PRICKLE1: variants seen among roughly 807,000 people sequenced by gnomAD.
The protein encoded by PRICKLE1 is prickle-like protein 1.
In PRICKLE1, 14 loss-of-function variants were observed where a neutral mutation model predicts 70.2. That is an observed-to-expected ratio of 0.20 (90% CI 0.13 to 0.31). PRICKLE1 has a LOEUF of 0.31. Ranked by LOEUF, PRICKLE1 falls within the 10% of genes least tolerant of loss-of-function variation. The pLI is 1.00. For synonymous variants in PRICKLE1, 357 were observed against 379.9 expected (o/e 0.94, Z 0.70); for missense variants, 821 against 1,026.2 (o/e 0.80, Z 2.73).
rs370722762 is a variant in PRICKLE1 at position 42,553,312 on chromosome 12, C to T, written c.-49+36153G>A. On this transcript the variant is annotated intron_variant, in intron 1 of 7. Transcript: ENST00000345127. ...ACAAAAAATTAGCCGGGCGTGGTAG[C>T]GGGCACCTGTAGTCCCAGCTACTTG... Among the ~76,000 whole-genome samples, 157 of 152,010 alleles carry T rather than the reference C, an allele frequency of 1.0e-3. 2 individuals carry two copies. The South Asian group carries it at 0.019, about 18-fold the overall frequency.
Position 42,562,664 on chromosome 12 carries a change from G to C in PRICKLE1, c.-49+26801C>G, listed in dbSNP as rs1317128326. ...ACCAAAGCAAGGCAAAAGACCTGCA[G>C]ACAGATGCACAAAGAAAATTTAAAC... On this transcript the variant is annotated intron_variant, in intron 1 of 7. Transcript: ENST00000345127. Among the ~76,000 whole-genome samples, 5 of 152,196 alleles carry C rather than the reference G, an allele frequency of 3.3e-5. No homozygotes were observed. The East Asian group carries it at 7.7e-4, about 23-fold the overall frequency.
intron 1 of PRICKLE1, among the ~76,000 whole-genome samples, chr12:42,523,909 C>T (rs933782609): frequency 3.3e-5 from 5 of 152,178 alleles, no homozygotes; most frequent in Non-Finnish European, 7.3e-5. Flanking sequence ...ATCTTCAAAG[C>T]ACCAAACACA....
chr12:42,531,876 GC>G (rs1418405703), intron 1 of PRICKLE1, among the ~76,000 whole-genome samples: 2 of 152,000 alleles, frequency 1.3e-5, no homozygotes, highest in Non-Finnish European at 2.9e-5. Context: ...AAAAATTTTT[GC>G]CCAGGTATGG....
At chr12:42,512,666 T>C (rs548352437) in intron 1 of PRICKLE1, among the ~76,000 whole-genome samples, 1 of 152,052 alleles carries the variant, frequency 6.6e-6, no homozygotes, top group African/African-American at 2.4e-5. Flanking sequence ...AATCATTTTG[T>C]TTTTTGTGGG....
intron 1 of PRICKLE1, among the ~76,000 whole-genome samples, chr12:42,512,122 CA>C (rs34323382): frequency 0.55 from 82,093 of 150,182 alleles, 23,117 homozygotes; most frequent in East Asian, 0.72. Flanking sequence ...GGTCCCATTA[CA>C]AAAAAAAAAG....
At chr12:42,511,620 T>C (rs1566107899) in intron 1 of PRICKLE1, among the ~76,000 whole-genome samples, 1 of 152,280 alleles carries the variant, frequency 6.6e-6, no homozygotes, top group Non-Finnish European at 1.5e-5. Context: ...GAGGGGGGTA[T>C]GGAAATCCAA....
chr12:42,556,506 T>C (rs1940415207), intron 1 of PRICKLE1, among the ~76,000 whole-genome samples: 1 of 152,240 alleles, frequency 6.6e-6, no homozygotes, highest in Non-Finnish European at 1.5e-5. Context: ...CTGGAGATCA[T>C]GCAGCTACTA....
chr12:42,470,501 A>C (rs1938278171), intron 2 of PRICKLE1, 142 bp from the exon 3 acceptor site: 1 of 688,326 alleles, frequency 1.5e-6, no homozygotes, highest in East Asian at 2.7e-5. Context: ...AACTCAGCAG[A>C]ACTGCAAACC....
chr12:42,480,670 G>A (rs2140150806), intron 1 of PRICKLE1, among the ~76,000 whole-genome samples: 1 of 152,292 alleles, frequency 6.6e-6, no homozygotes, highest in African/African-American at 2.4e-5. Flanking sequence ...ATACATAAAT[G>A]AGCCATAACT....
chr12:42,488,076 G>T (rs192909888), intron 1 of PRICKLE1, among the ~76,000 whole-genome samples: 10 of 152,112 alleles, frequency 6.6e-5, no homozygotes, highest in Non-Finnish European at 1.5e-5. Flanking sequence ...TAAACATCTC[G>T]ATATAGAAAC....
At chr12:42,530,673 T>A (rs1025955690) in intron 1 of PRICKLE1, among the ~76,000 whole-genome samples, 1 of 139,754 alleles carries the variant, frequency 7.2e-6, no homozygotes, top group African/African-American at 2.6e-5. Context: ...GTGTATTTTA[T>A]CAAATAATTT....
At chr12:42,500,170 G>A (rs1247873131) in intron 1 of PRICKLE1, among the ~76,000 whole-genome samples, 1 of 152,180 alleles carries the variant, frequency 6.6e-6, no homozygotes, top group Non-Finnish European at 1.5e-5. Context: ...GGACCAAAGA[G>A]TTATACAGCA....
intron 1 of PRICKLE1, among the ~76,000 whole-genome samples, chr12:42,495,687 C>T (rs1939187187): frequency 6.6e-6 from 1 of 152,098 alleles, no homozygotes; most frequent in East Asian, 1.9e-4. Context: ...CTCCCGGGTT[C>T]AAGTGATTAT....
intron 1 of PRICKLE1, among the ~76,000 whole-genome samples, chr12:42,518,144 G>C (rs1939642053): frequency 6.6e-6 from 1 of 151,614 alleles, no homozygotes; most frequent in Admixed American, 6.6e-5. Context: ...TGTCACCCAG[G>C]GTGATCCTAC....
chr12:42,468,341 C>T (rs1260783084), intron 5 of PRICKLE1, among the ~76,000 whole-genome samples: 4 of 152,188 alleles, frequency 2.6e-5, no homozygotes, highest in Non-Finnish European at 4.4e-5. Flanking sequence ...TCTCACAACC[C>T]ACTGAAGACA....
At chr12:42,486,031 A>G (rs1245528656) in intron 1 of PRICKLE1, among the ~76,000 whole-genome samples, 3 of 152,308 alleles carry the variant, frequency 2.0e-5, no homozygotes, top group South Asian at 2.1e-4. Flanking sequence ...AAGGCCCCCA[A>G]CCAGCATCCT....
intron 1 of PRICKLE1, among the ~76,000 whole-genome samples, chr12:42,497,299 A>C (rs1939220766): frequency 6.6e-6 from 1 of 152,108 alleles, no homozygotes; most frequent in South Asian, 2.1e-4. Flanking sequence ...TAATTCCAGC[A>C]CTTTGGGAGG....
At chr12:42,546,980 T>C (rs1352670964) in intron 1 of PRICKLE1, among the ~76,000 whole-genome samples, 1 of 152,222 alleles carries the variant, frequency 6.6e-6, no homozygotes, top group Non-Finnish European at 1.5e-5. Context: ...TATTACTTGT[T>C]AACAGTTCTG....
chr12:42,572,004 A>G (rs1325089034), intron 1 of PRICKLE1, among the ~76,000 whole-genome samples: 2 of 152,250 alleles, frequency 1.3e-5, no homozygotes, highest in Admixed American at 6.5e-5. Context: ...TTTTAAGTGT[A>G]AACAATTTGG....
Sources: allele counts gnomAD v4.1 joint callset (sites outside exome capture counted in the v4.1 genomes callset), GRCh38; gene constraint gnomAD v4.1.1; transcripts MANE v1.5; gene names NCBI Gene and HGNC (gene_info 2026-07-23, HGNC 2026-07-21).